The following ABTB3 variants were observed in gnomAD, a reference collection of about 807,000 sequenced individuals.
The protein encoded by ABTB3 is ankyrin repeat and BTB domain containing 3, also known as ankyrin repeat- and BTB/POZ domain-containing protein 3.
chr12:107,598,849 C>G, the ABTB3 span, among the ~76,000 whole-genome samples: 1 of 152,194 alleles, frequency 6.6e-6, no homozygotes, highest in Non-Finnish European at 1.5e-5. Flanking sequence ...ATGGGTGATA[C>G]AGCCATGATA....
the ABTB3 span, among the ~76,000 whole-genome samples, chr12:107,507,461 A>C: frequency 6.6e-6 from 1 of 151,146 alleles, no homozygotes; most frequent in Non-Finnish European, 1.5e-5. Context: ...CCTCCCATTG[A>C]CTCCCTCCCT....
At chr12:107,320,226 AGAGGTTGC>A in the ABTB3 span, 1 of 1,281,096 alleles carries the variant, frequency 7.8e-7, no homozygotes, top group East Asian at 3.0e-5. Flanking sequence ...AGCCAGAACA[AGAGGTTGC>A]CTGTTTGCTC....
the ABTB3 span, among the ~76,000 whole-genome samples, chr12:107,421,142 A>C: frequency 6.6e-6 from 1 of 152,218 alleles, no homozygotes. Context: ...GAGAAGGTGC[A>C]AGAATAGGCA....
At chr12:107,632,016 A>T in the ABTB3 span, among the ~76,000 whole-genome samples, 1 of 152,182 alleles carries the variant, frequency 6.6e-6, no homozygotes, top group African/African-American at 2.4e-5. Context: ...AAGATTGTCC[A>T]TTTGGAACAA....
the ABTB3 span, among the ~76,000 whole-genome samples, chr12:107,542,311 C>CAAAAAAAAAA: frequency 6.5e-4 from 78 of 119,184 alleles, 3 homozygotes; most frequent in Admixed American, 2.2e-3. Flanking sequence ...AACTCTGTCT[C>CAAAAAAAAAA]AAAAAAAAAA....
the ABTB3 span, among the ~76,000 whole-genome samples, chr12:107,563,421 C>G: frequency 6.6e-6 from 1 of 152,172 alleles, no homozygotes; most frequent in Non-Finnish European, 1.5e-5. Context: ...TCTTATGAAG[C>G]TGACAGTCTA....
the ABTB3 span, among the ~76,000 whole-genome samples, chr12:107,357,732 G>A: frequency 6.6e-6 from 1 of 152,334 alleles, no homozygotes; most frequent in East Asian, 1.9e-4. Flanking sequence ...ATGGTGCTCA[G>A]AGCGTGCGTG....
chr12:107,629,353 G>A, the ABTB3 span, among the ~76,000 whole-genome samples: 28 of 152,290 alleles, frequency 1.8e-4, no homozygotes, highest in African/African-American at 6.0e-4. Flanking sequence ...AGCCCAGGAG[G>A]TCAGGGTTGC....
the ABTB3 span, among the ~76,000 whole-genome samples, chr12:107,555,701 C>T: frequency 6.6e-6 from 1 of 152,202 alleles, no homozygotes; most frequent in African/African-American, 2.4e-5. Flanking sequence ...TCCTCTATAC[C>T]ATGCGCCTCA....
the ABTB3 span, among the ~76,000 whole-genome samples, chr12:107,505,087 A>G: frequency 1.3e-5 from 2 of 152,198 alleles, no homozygotes; most frequent in South Asian, 2.1e-4. Context: ...AGGGAACATA[A>G]TGCATACTCA....
the ABTB3 span, among the ~76,000 whole-genome samples, chr12:107,364,814 G>A: frequency 6.6e-6 from 1 of 152,160 alleles, no homozygotes; most frequent in Non-Finnish European, 1.5e-5. Flanking sequence ...GTAAGTGCAA[G>A]CTATTGTTGC....
chr12:107,339,583 AGGAAG>A, the ABTB3 span, among the ~76,000 whole-genome samples: 1 of 152,192 alleles, frequency 6.6e-6, no homozygotes. Context: ...CGTATATCAA[AGGAAG>A]CTTCAGTGTG....
the ABTB3 span, among the ~76,000 whole-genome samples, chr12:107,638,106 A>G: frequency 1.3e-5 from 2 of 152,126 alleles, no homozygotes; most frequent in Non-Finnish European, 2.9e-5. Context: ...TTTAATTAAA[A>G]TGTTTAAAGA....
At chr12:107,323,032 A>G in the ABTB3 span, among the ~76,000 whole-genome samples, 2 of 152,224 alleles carry the variant, frequency 1.3e-5, no homozygotes, top group Non-Finnish European at 2.9e-5. Flanking sequence ...GTTGGAGCTT[A>G]TTAGATACCT....
chr12:107,485,160 A>T, the ABTB3 span, among the ~76,000 whole-genome samples: 1 of 152,198 alleles, frequency 6.6e-6, no homozygotes, highest in Non-Finnish European at 1.5e-5. Context: ...AGCTCACAGG[A>T]TGCATATGTG....
the ABTB3 span, among the ~76,000 whole-genome samples, chr12:107,534,314 T>G: frequency 6.6e-6 from 1 of 151,408 alleles, no homozygotes; most frequent in Non-Finnish European, 1.5e-5. Context: ...AAGAGAAAAG[T>G]TTATAGCAAT....
At chr12:107,636,227 C>T in the ABTB3 span, among the ~76,000 whole-genome samples, 4 of 152,162 alleles carry the variant, frequency 2.6e-5, no homozygotes, top group Non-Finnish European at 4.4e-5. Flanking sequence ...TAGGTTCTTT[C>T]AGAGGATCCT....
the ABTB3 span, among the ~76,000 whole-genome samples, chr12:107,512,168 C>G: frequency 2.0e-5 from 3 of 152,124 alleles, no homozygotes; most frequent in Non-Finnish European, 2.9e-5. Context: ...ATATGGAAAC[C>G]CCAGGAAGCA....
the ABTB3 span, among the ~76,000 whole-genome samples, chr12:107,647,859 T>G: frequency 1.3e-5 from 2 of 152,200 alleles, no homozygotes; most frequent in East Asian, 3.8e-4. Context: ...CCCCAGCTTT[T>G]AAGTGGCAGA....
Sources: gnomAD v4.1 joint callset for allele counts (sites outside exome capture counted in the v4.1 genomes callset) on GRCh38, gnomAD v4.1.1 for gene constraint, MANE v1.5 for transcripts, NCBI Gene and HGNC (gene_info 2026-07-23, HGNC 2026-07-21) for gene names.